The following MIB1 variants were observed in gnomAD, a reference collection of about 807,000 sequenced individuals.
MIB1 encodes MIB E3 ubiquitin protein ligase 1.
A neutral mutation model predicts 124.5 loss-of-function variants in MIB1; 278 were observed. The ratio of observed to expected loss-of-function variants is 2.23; its 90% CI spans 2.02 to 2.47. The LOEUF (loss-of-function observed/expected upper bound fraction) is 2.47, where lower values mean the gene tolerates loss of function less well. Ranked by LOEUF, MIB1 falls within the 30% of genes most tolerant of loss-of-function variation. The probability of loss-of-function intolerance (pLI) is 0.00; values close to 1 mark genes in which losing one functional copy is unlikely to be tolerated. For missense variants in MIB1, 957 were observed against 1,254.4 expected, an observed-to-expected ratio of 0.76 and a Z score of 3.58; for synonymous variants, 446 against 429.4, an observed-to-expected ratio of 1.04 and a Z score of -0.48.
chr18:21,854,075 C>T (rs990435786), intron 18 of MIB1, among the ~76,000 whole-genome samples: 48 of 143,844 alleles, frequency 3.3e-4, no homozygotes, highest in African/African-American at 1.2e-3. Flanking sequence ...AAAGGGTGAA[C>T]GTTTTCTTCT....
At chr18:21,733,610 A>G (rs2040782136) in intron 1 of MIB1, among the ~76,000 whole-genome samples, 1 of 152,220 alleles carries the variant, frequency 6.6e-6, no homozygotes, top group Non-Finnish European at 1.5e-5. Context: ...GTCCTCTTCA[A>G]TTAGGGCATG....
At chr18:21,815,011 TTATATATATATATATATA>T (rs60363843) in intron 10 of MIB1, among the ~76,000 whole-genome samples, 1,544 of 52,652 alleles carry the variant, frequency 0.029, 97 homozygotes, top group African/African-American at 0.071. Flanking sequence ...GCTGTTGGTT[TTATATATATATATATATA>T]TATATATATA....
intron 17 of MIB1, among the ~76,000 whole-genome samples, chr18:21,851,565 A>G (rs1190649057): frequency 6.6e-6 from 1 of 152,224 alleles, no homozygotes; most frequent in Non-Finnish European, 1.5e-5. Context: ...CATTGAAGAA[A>G]AACAAATTAC....
upstream of MIB1, among the ~76,000 whole-genome samples, chr18:21,736,393 T>A (rs966561109): frequency 6.6e-6 from 1 of 152,040 alleles, no homozygotes; most frequent in African/African-American, 2.4e-5. Context: ...GTAGATAAAT[T>A]CACAGAGATG....
Position 21,864,629 on chromosome 18 carries a change from G to A in MIB1, c.2984G>A (p.Cys995Tyr). Residue 995 changes from cysteine to tyrosine, a missense_variant, in exon 21 of 21, where the codon TGT becomes TAT. By Grantham distance (194) the Cys-to-Tyr change is radical. Coordinates refer to ENST00000261537, the MANE Select transcript of MIB1 (RefSeq NM_020774.4). ...CGDRMSECPI[C>Y]RKAIERRILL... ...GACCGCATGAGTGAATGTCCTATCT[G>A]TCGCAAGGCTATTGAACGAAGGATT... The A allele has an allele frequency of 1.2e-6, 2 of 1,613,750 alleles. No individual in the cohort carries two copies. The highest frequency in any genetic ancestry group is 8.5e-7 in the Non-Finnish European group (1 of 1,179,734).
chr18:21,770,752 A>G (rs1194484226), intron 3 of MIB1, among the ~76,000 whole-genome samples: 1 of 152,182 alleles, frequency 6.6e-6, no homozygotes, highest in Non-Finnish European at 1.5e-5. Flanking sequence ...TATTTCAGAC[A>G]TACACTTGAG....
chr18:21,851,953 C>T (rs888834402), intron 17 of MIB1, among the ~76,000 whole-genome samples: 12 of 151,700 alleles, frequency 7.9e-5, no homozygotes, highest in African/African-American at 2.9e-4. Flanking sequence ...ACAATTCAGA[C>T]AAAAAGACAA....
In MIB1 at chr18:21,857,151, AGT is replaced by A. The variant is rs1568229426; in HGVS notation, c.2693_2694del (p.Val898AlafsTer7). ...CCAGACTGTGCTAACCTGATGAAAA[AGT>A]GTGTGCAGTGTCGAGCAGTAGTTGA... On this transcript the variant is annotated frameshift_variant, in exon 19 of 21. Coordinates refer to ENST00000261537, the MANE Select transcript of MIB1 (RefSeq NM_020774.4). LOFTEE classifies it high-confidence loss of function. 3 of 1,614,064 alleles carry A rather than the reference AGT, an allele frequency of 1.9e-6. No homozygotes were observed. The highest frequency in any genetic ancestry group is 3.3e-5 in the Admixed American group (2 of 60,028).
At chr18:21,710,862 C>G (rs2040662569) in intron 1 of MIB1, among the ~76,000 whole-genome samples, 1 of 129,854 alleles carries the variant, frequency 7.7e-6, no homozygotes, top group Non-Finnish European at 1.5e-5. Context: ...GATGGAGTCT[C>G]TGTCGCCAGG....
chr18:21,834,550 A>T (rs995184869), intron 12 of MIB1, among the ~76,000 whole-genome samples: 2 of 152,198 alleles, frequency 1.3e-5, no homozygotes, highest in Admixed American at 6.5e-5. Context: ...GTCATATGGC[A>T]TGTTGATAGT....
chr18:21,773,620 T>C lies in MIB1; in HGVS notation c.532-4T>C. On this transcript the variant is annotated splice_polypyrimidine_tract_variant and splice_region_variant and intron_variant, in intron 3 of 20. Transcript: ENST00000261537. ...ACTTCTTTTCTCAAAAACTATTCTG[T>C]TAGGTAACAGAAATCCAGGACTGGA... 6.3e-7 allele frequency: 1 copy of C among 1,599,014 alleles called. No individual in the cohort carries two copies. The highest frequency in any genetic ancestry group is 8.5e-7 in the Non-Finnish European group (1 of 1,172,496).
At chr18:21,783,683 C>G (rs1209110929) in intron 6 of MIB1, among the ~76,000 whole-genome samples, 1 of 151,014 alleles carries the variant, frequency 6.6e-6, no homozygotes, top group East Asian at 1.9e-4. Flanking sequence ...TTTTCTTGCC[C>G]TCTTCCTTTG....
chr18:21,768,728 T>C lies in MIB1; in HGVS notation c.507T>C (p.Asp169=). 2 of 1,611,108 alleles carry C rather than the reference T, an allele frequency of 1.2e-6. No homozygotes were observed. The highest frequency in any genetic ancestry group is 8.5e-7 in the Non-Finnish European group (1 of 1,178,426). The change falls in exon 3 of 21, where the codon GAT becomes GAC. Residue 169 remains aspartate (D), a synonymous_variant. Transcript: ENST00000261537. ...RGVDWQWEDQ[D]GGNGRRGKVT... ...TGGACTGGCAGTGGGAAGATCAAGA[T>C]GGAGGAAATGGACGTAGGGGAAAGG...
rs2040712847 is a variant in MIB1, at chr18:21,721,159, G to GTTTGTTTTTTT, written n.167+16039_167+16040insGTTTTTTTTTT. On this transcript the variant is annotated intron_variant and non_coding_transcript_variant, in intron 1 of 20. Transcript: ENST00000578646. ...TGAAAGATTTAAACATTTTAAAGAA[G>GTTTGTTTTTTT]TTTTTTTTTTTTTTTTTTTTTTTTT... Among the ~76,000 whole-genome samples the GTTTGTTTTTTT allele has an allele frequency of 4.0e-4, 12 of 29,766 alleles. 2 individuals are homozygous for GTTTGTTTTTTT. The highest frequency in any genetic ancestry group is 1.1e-3 in the Admixed American group (2 of 1,904). 19.5% of individuals were successfully genotyped at this position (29,766 alleles called of 152,430 possible). A position where few individuals can be genotyped will look rare whatever the true frequency, so the allele number is the denominator to read the frequency against.
chr18:21,724,543 A>G (rs1304997459), intron 1 of MIB1, among the ~76,000 whole-genome samples: 5 of 150,172 alleles, frequency 3.3e-5, no homozygotes, highest in Admixed American at 6.7e-5. Context: ...CATCTCTACT[A>G]AAAATACAAA....
upstream of MIB1, among the ~76,000 whole-genome samples, chr18:21,737,983 A>G (rs1010177843): frequency 5.3e-5 from 8 of 152,150 alleles, no homozygotes; most frequent in African/African-American, 1.9e-4. Context: ...GACAAAATTA[A>G]CAAGGATATC....
intron 9 of MIB1, among the ~76,000 whole-genome samples, chr18:21,802,766 T>G (rs149084859): frequency 1.9e-4 from 29 of 152,220 alleles, no homozygotes; most frequent in African/African-American, 7.0e-4. Context: ...CTTAACAAGC[T>G]GATTGATAGC....
At chr18:21,791,046 A>G (rs540278399) in intron 6 of MIB1, among the ~76,000 whole-genome samples, 1 of 152,224 alleles carries the variant, frequency 6.6e-6, no homozygotes, top group Admixed American at 6.5e-5. Context: ...TCTACTAAAA[A>G]TACAAAAATT....
At chr18:21,730,446 T>TAATCCCAGCACCC (rs1301584479) in intron 1 of MIB1, among the ~76,000 whole-genome samples, 1 of 152,182 alleles carries the variant, frequency 6.6e-6, no homozygotes, top group Admixed American at 6.5e-5. Context: ...TGTGCGCCTG[T>TAATCCCAGCACCC]AGTCCTGGCT....
Sources: gnomAD v4.1 joint callset for allele counts (sites outside exome capture counted in the v4.1 genomes callset) on GRCh38, gnomAD v4.1.1 for gene constraint, MANE v1.5 for transcripts, NCBI Gene and HGNC (gene_info 2026-07-23, HGNC 2026-07-21) for gene names.